Variants in MCTP1 observed in about 807,000 individuals in gnomAD.
The protein encoded by MCTP1 is multiple C2 and transmembrane domain-containing protein 1.
Under a neutral mutation model 120.6 loss-of-function variants are expected in MCTP1, and 69 were observed. That is an observed-to-expected ratio of 0.57 (90% CI 0.47 to 0.70). The LOEUF (loss-of-function observed/expected upper bound fraction) is 0.70. Among genes scored for constraint, MCTP1 ranks in the 30% least tolerant of loss-of-function variants. MCTP1 has a pLI of 0.00. For missense variants in MCTP1, 1,203 were observed against 1,248.8 expected, an observed-to-expected ratio of 0.96 and a Z score of 0.55; for synonymous variants, 529 against 493.1, an observed-to-expected ratio of 1.07 and a Z score of -0.96.
chr5:94,910,926 G>C (rs983168099), intron 9 of MCTP1, among the ~76,000 whole-genome samples: 2 of 152,160 alleles, frequency 1.3e-5, no homozygotes, highest in African/African-American at 4.8e-5. Flanking sequence ...TTTGGGGTGT[G>C]GTCTGTCTTT....
intron 2 of MCTP1, among the ~76,000 whole-genome samples, chr5:94,996,725 C>G (rs1176212307): frequency 1.3e-5 from 2 of 152,042 alleles, no homozygotes; most frequent in Non-Finnish European, 2.9e-5. Flanking sequence ...TTGGTTGAAT[C>G]CATGGACATG....
chr5:94,767,551 C>A (rs970119838), intron 19 of MCTP1, among the ~76,000 whole-genome samples: 1 of 152,152 alleles, frequency 6.6e-6, no homozygotes, highest in East Asian at 1.9e-4. Flanking sequence ...AACAGATAAA[C>A]AAATTCAATA....
rs1195252163 is a variant in MCTP1 at position 95,212,813 on chromosome 5, AC to A, written c.720+71042del. On this transcript the variant is annotated intron_variant, in intron 1 of 22. Transcript: ENST00000515393. ...AAAAGGCCTTTGAAAAAATTCAACA[AC>A]CCTTCATGTTAAAAACTCTCAATAA... 4.0e-4 allele frequency among the ~76,000 whole-genome samples: 61 copies of A among 152,152 alleles called. No individual in the cohort carries two copies. The East Asian group carries it at 8.5e-3, about 21-fold the overall frequency.
intron 11 of MCTP1, among the ~76,000 whole-genome samples, chr5:94,894,311 G>A (rs1179716570): frequency 6.6e-6 from 1 of 152,182 alleles, no homozygotes; most frequent in Non-Finnish European, 1.5e-5. Flanking sequence ...TTTAATTGCA[G>A]CTACAAAGAA....
At chr5:95,064,945 C>A (rs2152134653) in intron 1 of MCTP1, among the ~76,000 whole-genome samples, 1 of 152,292 alleles carries the variant, frequency 6.6e-6, no homozygotes, top group South Asian at 2.1e-4. Context: ...TTTTTCCACC[C>A]TGATCCAACT....
chr5:94,851,907 C>T (rs1381518614), intron 17 of MCTP1, among the ~76,000 whole-genome samples: 1 of 151,838 alleles, frequency 6.6e-6, no homozygotes, highest in Non-Finnish European at 1.5e-5. Flanking sequence ...TCTTTCCCTA[C>T]TATTGCAGTC....
chr5:95,166,521 A>G (rs1373745766), intron 1 of MCTP1, among the ~76,000 whole-genome samples: 2 of 150,874 alleles, frequency 1.3e-5, no homozygotes, highest in South Asian at 2.1e-4. Context: ...AATTGTGAAT[A>G]TGCCTTACTT....
intron 19 of MCTP1, among the ~76,000 whole-genome samples, chr5:94,718,735 T>C (rs1039362159): frequency 1.3e-5 from 2 of 152,196 alleles, no homozygotes; most frequent in Non-Finnish European, 2.9e-5. Context: ...ATTATTTTTT[T>C]TGACATGAAG....
At chr5:95,029,851 T>C (rs922697899) in intron 1 of MCTP1, among the ~76,000 whole-genome samples, 1 of 152,170 alleles carries the variant, frequency 6.6e-6, no homozygotes, top group African/African-American at 2.4e-5. Flanking sequence ...GCCACTGCCT[T>C]GCATGTGGTT....
In MCTP1 at chr5:94,920,742, A is replaced by AAAATAAATAAAT. The variant is rs113227976; in HGVS notation, c.1273-2781_1273-2770dup. Reference sequence around the variant, plus strand: ...GGGCGACAGAGGGAGATTCCGTCTCAAAATAAATAAATAAATAAATAAATA... The same window carrying AAAATAAATAAAT: ...GGGCGACAGAGGGAGATTCCGTCTCAAAATAAATAAATAAATAAATAAATAAATAAATAAATA... On this transcript the variant is annotated intron_variant, in intron 7 of 22. Coordinates refer to ENST00000515393, the MANE Select transcript of MCTP1 (RefSeq NM_024717.7). Among the ~76,000 whole-genome samples, 884 of 142,106 alleles carry AAAATAAATAAAT rather than the reference A, an allele frequency of 6.2e-3. 8 individuals carry two copies. The highest frequency in any genetic ancestry group is 0.015 in the East Asian group (72 of 4,934). The allele number at this position is 142,106 out of a possible 152,430, so 93.2% of individuals were successfully genotyped here.
intron 2 of MCTP1, among the ~76,000 whole-genome samples, chr5:94,977,662 T>A (rs974608796): frequency 3.3e-5 from 5 of 152,104 alleles, no homozygotes; most frequent in Non-Finnish European, 7.4e-5. Flanking sequence ...AATCCATGCC[T>A]GTATGGTAAA....
intron 1 of MCTP1, chr5:95,068,715 A>G (rs1751322920): frequency 3.1e-6 from 3 of 970,140 alleles, no homozygotes; most frequent in Admixed American, 4.1e-5. Context: ...CGGTCAAAAA[A>G]TAAAGCTTTT....
chr5:95,142,374 A>G (rs910033479), intron 1 of MCTP1, among the ~76,000 whole-genome samples: 1 of 152,246 alleles, frequency 6.6e-6, no homozygotes, highest in Non-Finnish European at 1.5e-5. Flanking sequence ...TTACAATAGA[A>G]CACGAGATTA....
intron 19 of MCTP1, among the ~76,000 whole-genome samples, chr5:94,718,418 A>G (rs1229329469): frequency 1.3e-5 from 2 of 152,200 alleles, no homozygotes; most frequent in Non-Finnish European, 2.9e-5. Context: ...AAATCTAGAC[A>G]ATACCATTCA....
intron 1 of MCTP1, among the ~76,000 whole-genome samples, chr5:95,022,491 G>A (rs568575039): frequency 6.6e-6 from 1 of 152,058 alleles, no homozygotes; most frequent in East Asian, 1.9e-4. Context: ...TGTCATATTT[G>A]TCATTTTAAA....
At chr5:95,249,949 T>C (rs901147832) in intron 1 of MCTP1, among the ~76,000 whole-genome samples, 2 of 151,334 alleles carry the variant, frequency 1.3e-5, no homozygotes, top group Non-Finnish European at 2.9e-5. Flanking sequence ...TACGTGGGAG[T>C]TGAACAACAA....
At chr5:94,850,419 C>A (rs547987555) in intron 17 of MCTP1, among the ~76,000 whole-genome samples, 35 of 152,188 alleles carry the variant, frequency 2.3e-4, no homozygotes, top group African/African-American at 7.7e-4. Flanking sequence ...CCACTGCAAG[C>A]GAGTAAATGG....
chr5:95,087,314 T>C lies in MCTP1; in HGVS notation c.721-69830A>G, dbSNP rs141453434. Among the ~76,000 whole-genome samples the C allele has an allele frequency of 6.0e-3, 912 of 152,286 alleles. 7 individuals are homozygous for C. The highest frequency in any genetic ancestry group is 0.021 in the African/African-American group (855 of 41,550). On this transcript the variant is annotated intron_variant, in intron 1 of 22. Transcript: ENST00000515393. Reference sequence around the variant, plus strand: ...AATATATAGCAGGCCAGCACATAGATAGATAAAGGCAACTTCAATTGTCAG... The same window carrying C: ...AATATATAGCAGGCCAGCACATAGACAGATAAAGGCAACTTCAATTGTCAG...
At chr5:95,042,529 T>G (rs1350373509) in intron 1 of MCTP1, among the ~76,000 whole-genome samples, 1 of 152,230 alleles carries the variant, frequency 6.6e-6, no homozygotes, top group African/African-American at 2.4e-5. Flanking sequence ...GAATGTCATG[T>G]GCAGAATTCC....
Sources: gnomAD v4.1 joint callset for allele counts (sites outside exome capture counted in the v4.1 genomes callset) on GRCh38, gnomAD v4.1.1 for gene constraint, MANE v1.5 for transcripts, NCBI Gene and HGNC (gene_info 2026-07-23, HGNC 2026-07-21) for gene names.